MAN2B1: variants seen among roughly 807,000 people sequenced by gnomAD.
MAN2B1 encodes the protein lysosomal alpha-mannosidase.
Under a neutral mutation model 127.5 loss-of-function variants are expected in MAN2B1, and 99 were observed. That is an observed-to-expected ratio of 0.78 (90% CI 0.66 to 0.92). MAN2B1 has a LOEUF of 0.92. Among genes scored for constraint, MAN2B1 ranks in the 40% least tolerant of loss-of-function variants. MAN2B1 has a pLI of 0.00. For synonymous variants in MAN2B1, 573 were observed against 568.8 expected, an observed-to-expected ratio of 1.01 and a Z score of -0.11; for missense variants, 1,304 against 1,384.8, an observed-to-expected ratio of 0.94 and a Z score of 0.93.
chr19:12,651,390 G>T (rs1008745042), intron 16 of MAN2B1, among the ~76,000 whole-genome samples: 2 of 152,142 alleles, frequency 1.3e-5, no homozygotes, highest in African/African-American at 4.8e-5. Flanking sequence ...GGACCATGAG[G>T]TGGAAACTGA....
chr19:12,649,168 T>G lies in MAN2B1; in HGVS notation c.2404A>C (p.Ser802Arg). 1 of 1,612,694 alleles carries G rather than the reference T, an allele frequency of 6.2e-7. No homozygotes were observed. Among genetic ancestry groups the G allele is most frequent in the African/African-American group, 1.3e-5 (1 of 75,000 alleles). Residue 802 changes from serine to arginine, a missense_variant, in exon 20 of 24, where the codon AGC (serine) becomes CGC (arginine). Transcript: ENST00000456935. ...TVLTDRSQGGSSLRDGSLELM... is the reference protein window; with the variant it reads ...TVLTDRSQGGRSLRDGSLELM... Reference sequence around the variant, plus strand: ...TCCAGCGAGCCATCTCTCAGGCTGCTGCCCCCCTGGGAGCGGTCAGTCAGC... The same window carrying G: ...TCCAGCGAGCCATCTCTCAGGCTGCGGCCCCCCTGGGAGCGGTCAGTCAGC...
At position 12,665,526 on chromosome 19, in the gene MAN2B1, CTG is replaced by C. The variant is rs2024211642; in HGVS notation, c.263-3_263-2del. 1 of 1,614,048 alleles carries C rather than the reference CTG, an allele frequency of 6.2e-7. No individual in the cohort carries two copies. The highest frequency in any genetic ancestry group is 8.5e-7 in the Non-Finnish European group (1 of 1,180,038). ...CCGGCGTGCTGGATGTCATTCTTGA[CTG>C]TGGATAACAGGGATAAGGCTCTCAG... is the stretch of plus-strand genomic sequence containing the variant. On this transcript the variant is annotated splice_acceptor_variant and splice_polypyrimidine_tract_variant and intron_variant, in intron 2 of 23. Transcript: ENST00000456935. LOFTEE classifies it high-confidence loss of function.
In MAN2B1 at chr19:12,648,178, C is replaced by A. The variant is rs775212002; in HGVS notation, c.2661G>T (p.Thr887=). The A allele has an allele frequency of 6.5e-7, 1 of 1,536,820 alleles. No homozygotes were observed. Among genetic ancestry groups the A allele is most frequent in the Non-Finnish European group, 8.7e-7 (1 of 1,147,172 alleles). The change falls in exon 21 of 24, where the codon ACG becomes ACT. Residue 887 remains threonine (T), a synonymous_variant. Transcript: ENST00000456935. ...TGCCTACCCCGCTGCCCCTCACCTG[C>A]GTGCGCGGAGGAGCCCCGAGATTGT... is the stretch of plus-strand genomic sequence containing the variant. The part of the protein sequence containing the change: ...AAYNLGAPPR[T]QFSGLRRDLP...
At chr19:12,650,973 CTT>C (rs60721799) in intron 16 of MAN2B1, among the ~76,000 whole-genome samples, 66 of 130,206 alleles carry the variant, frequency 5.1e-4, no homozygotes, top group Admixed American at 6.2e-4. Flanking sequence ...CACCCGGCCT[CTT>C]TTTTTTTTTT....
At chr19:12,665,999 C>T (rs927658434) in intron 1 of MAN2B1, among the ~76,000 whole-genome samples, 194 bp from the exon 2 acceptor site, 2 of 152,234 alleles carry the variant, frequency 1.3e-5, no homozygotes, top group East Asian at 3.9e-4. Context: ...TTTGCACAAC[C>T]CCACAGGGCA....
At position 12,650,609 on chromosome 19, in the gene MAN2B1, C is replaced by T. The variant is rs377123196; in HGVS notation, c.2047-387G>A. ...TCCTGACCTCGTGATCAGCCCGCCT[C>T]GGCCTCCCAAAGTGCTGGGATTACA... On this transcript the variant is annotated intron_variant, in intron 16 of 23. Transcript: ENST00000456935. Among the ~76,000 whole-genome samples, 480 of 151,910 alleles carry T rather than the reference C, an allele frequency of 3.2e-3. 8 individuals are homozygous for T. The highest frequency in any genetic ancestry group is 0.011 in the African/African-American group (461 of 41,428).
At chr19:12,657,827 C>T (rs1317130121) in intron 10 of MAN2B1, 7 of 610,534 alleles carry the variant, frequency 1.1e-5, no homozygotes, top group Middle Eastern at 4.3e-4. Flanking sequence ...TGGTGGTGGG[C>T]GCCTGTAGTC....
intron 14 of MAN2B1, 105 bp from the exon 15 acceptor site, chr19:12,652,565 T>C (rs1480833421): frequency 1.3e-6 from 1 of 793,416 alleles, no homozygotes; most frequent in African/African-American, 1.8e-5. Flanking sequence ...TGAGTCTCAC[T>C]CTGTAGCCCA....
chr19:12,652,430 C>T lies in MAN2B1; in HGVS notation c.1861G>A (p.Gly621Arg). 1 of 1,614,090 alleles carries T rather than the reference C, an allele frequency of 6.2e-7. No individual in the cohort carries two copies. The highest frequency in any genetic ancestry group is 8.5e-7 in the Non-Finnish European group (1 of 1,180,014). ...HIRATFDPDT[G>R]LLMEIMNMNQ... ...ATGTTCATAATCTCCATCAACAGCCCTGTGTCAGGATCAAACGTTGCCCGG... is the reference window on the plus strand; with the variant it reads ...ATGTTCATAATCTCCATCAACAGCCTTGTGTCAGGATCAAACGTTGCCCGG... The change falls in exon 15 of 24, where the codon GGG becomes AGG. Residue 621 changes from glycine to arginine, a missense_variant. Coordinates refer to ENST00000456935, the MANE Select transcript of MAN2B1 (RefSeq NM_000528.4).
At chr19:12,652,293 TC>T in intron 15 of MAN2B1, 23 bp from the exon 16 acceptor site, 1 of 1,609,452 alleles carries the variant, frequency 6.2e-7, no homozygotes, top group Non-Finnish European at 8.5e-7. Context: ...CAGGTGAGAG[TC>T]AGGTAAGGGG....
Position 12,658,515 on chromosome 19 carries a change from T to A in MAN2B1, c.1027-5A>T, listed in dbSNP as rs1168596674. On this transcript the variant is annotated splice_polypyrimidine_tract_variant and splice_region_variant and intron_variant, in intron 7 of 23. Transcript: ENST00000456935. ...GACACTGCTTCCTTTTGCCTGCTGC[T>A]GGGGGAGGCGACGGAGTGAGCCCTC... is the stretch of plus-strand genomic sequence containing the variant. 1.2e-6 allele frequency: 2 copies of A among 1,613,826 alleles called. No individual in the cohort carries two copies. Among genetic ancestry groups the A allele is most frequent in the African/African-American group, 2.7e-5 (2 of 74,904 alleles).
intron 4 of MAN2B1, among the ~76,000 whole-genome samples, chr19:12,664,332 G>C (rs967504237): frequency 2.2e-4 from 34 of 152,310 alleles, no homozygotes; most frequent in African/African-American, 7.2e-4. Flanking sequence ...GGGAGAGGGC[G>C]GGTCCAACAT....
rs35296973 is a variant in MAN2B1 at position 12,657,954 on chromosome 19, CAAAAAAAAAAAA to C, written c.1309+97_1309+108del. ...TGGGAGACAAATCGAGACTCCGTCT[CAAAAAAAAAAAA>C]AAAAAAAAAAAAAAAGAAGAAACTC... On this transcript the variant is annotated intron_variant, in intron 10 of 23. Transcript: ENST00000456935. The C allele has an allele frequency of 1.9e-4, 90 of 485,780 alleles. No homozygotes were observed. In the African/African-American group the frequency reaches 2.7e-3, roughly 15 times the overall value. 30.1% of individuals were successfully genotyped at this position (485,780 alleles called of 1,614,324 possible).
At chr19:12,662,301 C>A (rs372805005) in intron 6 of MAN2B1, among the ~76,000 whole-genome samples, 5 of 152,158 alleles carry the variant, frequency 3.3e-5, no homozygotes, top group Admixed American at 1.3e-4. Flanking sequence ...CATGGTGAGA[C>A]CTTATCTCTG....
intron 4 of MAN2B1, among the ~76,000 whole-genome samples, 185 bp from the exon 5 acceptor site, chr19:12,664,020 G>T (rs2024169973): frequency 6.6e-6 from 1 of 152,128 alleles, no homozygotes; most frequent in Non-Finnish European, 1.5e-5. Context: ...TTAAACCCAG[G>T]AGTTTTTGAG....
chr19:12,658,271 G>A lies in MAN2B1; in HGVS notation c.1183C>T (p.Arg395Trp). Residue 395 changes from arginine to tryptophan, a missense_variant, in exon 9 of 24, where the codon CGG becomes TGG. Arg to Trp is a moderately radical substitution (Grantham distance 101). Transcript: ENST00000456935. ...HQFWTGYFSS[R>W]PALKRYERLS... ...CGCTCGTAGCGTTTGAGGGCCGGCC[G>A]ACTGGAAAAGTAACCGGTCCAGAAC... 6.2e-7 allele frequency: 1 copy of A among 1,614,170 alleles called. No homozygotes were observed. The highest frequency in any genetic ancestry group is 8.5e-7 in the Non-Finnish European group (1 of 1,180,038).
rs1008745697 is a variant in MAN2B1 at position 12,649,341 on chromosome 19, C to T, written c.2355G>A (p.Thr785=). The change falls in exon 19 of 24, where the codon ACG becomes ACA. Residue 785 remains threonine (T), a splice_region_variant and synonymous_variant. Coordinates refer to ENST00000456935, the MANE Select transcript of MAN2B1 (RefSeq NM_000528.4). The part of the protein sequence containing the change: ...YYPVNTRIYI[T]DGNMQLTVLT... ...GAGGTGCAGGATGGGGGAGAGCTACCGTGATGTAAATCCGGGTGTTGACTG... is the reference window on the plus strand; with the variant it reads ...GAGGTGCAGGATGGGGGAGAGCTACTGTGATGTAAATCCGGGTGTTGACTG... 5 of 1,613,064 alleles carry T rather than the reference C, an allele frequency of 3.1e-6. No homozygotes were observed. Among genetic ancestry groups the T allele is most frequent in the Non-Finnish European group, 3.4e-6 (4 of 1,179,306 alleles).
intron 23 of MAN2B1, 119 bp from the exon 24 acceptor site, chr19:12,646,851 C>A (rs2145218435): frequency 2.7e-6 from 2 of 739,736 alleles, no homozygotes; most frequent in South Asian, 3.3e-5. Flanking sequence ...GTCTCCAGGG[C>A]CTCAATCCCA....
At position 12,664,960 on chromosome 19, in the gene MAN2B1, G is replaced by A. The variant is rs1285969428; in HGVS notation, c.462C>T (p.Gly154=). ...TGGCTGCCTCATCGTTCATCACCCA[G>A]CCACCATTGGCGAACTCCAGGCGCC... ...RQGRLEFANG[G]WVMNDEAATH... Residue 154 remains glycine (G), a synonymous_variant, in exon 4 of 24, where the codon GGC becomes GGT. Transcript: ENST00000456935. 2.5e-6 allele frequency: 4 copies of A among 1,613,904 alleles called. No individual in the cohort carries two copies. Among genetic ancestry groups the A allele is most frequent in the Non-Finnish European group, 3.4e-6 (4 of 1,180,040 alleles).
Sources: allele counts gnomAD v4.1 joint callset (sites outside exome capture counted in the v4.1 genomes callset), GRCh38; gene constraint gnomAD v4.1.1; transcripts MANE v1.5; gene names NCBI Gene and HGNC (gene_info 2026-07-23, HGNC 2026-07-21).